Variants in GLMN observed in about 807,000 individuals in gnomAD.
The protein encoded by GLMN is glomulin.
In GLMN, 75 loss-of-function variants were observed where a neutral mutation model predicts 87.8. That is an observed-to-expected ratio of 0.85 (90% CI 0.71 to 1.04). GLMN has a LOEUF of 1.04. GLMN is among the 50% of genes least tolerant of loss of function. The pLI, the probability that GLMN is intolerant of heterozygous loss-of-function variation, is 0.00. For missense variants in GLMN, 588 were observed against 658.8 expected, an observed-to-expected ratio of 0.89 and a Z score of 1.18; for synonymous variants, 206 against 221.6, an observed-to-expected ratio of 0.93 and a Z score of 0.63.
the GLMN span, among the ~76,000 whole-genome samples, chr1:92,368,869 T>C: frequency 6.6e-6 from 1 of 152,246 alleles, no homozygotes; most frequent in African/African-American, 2.4e-5. Context: ...TTTTTGCTTT[T>C]GTTGTTACGC....
At chr1:92,305,313 G>A in the GLMN span, among the ~76,000 whole-genome samples, 2 of 150,824 alleles carry the variant, frequency 1.3e-5, no homozygotes, top group Non-Finnish European at 3.0e-5. Context: ...GGCGCCTGTA[G>A]TCCCAGCTAC....
intron 16 of GLMN, among the ~76,000 whole-genome samples, chr1:92,252,331 T>C (rs902354176): frequency 6.6e-6 from 1 of 152,166 alleles, no homozygotes; most frequent in Admixed American, 6.5e-5. Flanking sequence ...GAGGTTGTTA[T>C]TGCAATGTGC....
chr1:92,309,252 G>T, the GLMN span, among the ~76,000 whole-genome samples: 1 of 151,756 alleles, frequency 6.6e-6, no homozygotes, highest in Non-Finnish European at 1.5e-5. Context: ...GACCATCCTG[G>T]CCAACATGGT....
At chr1:92,251,837 C>T (rs1484939387) in intron 16 of GLMN, among the ~76,000 whole-genome samples, 1 of 151,154 alleles carries the variant, frequency 6.6e-6, no homozygotes, top group Non-Finnish European at 1.5e-5. Flanking sequence ...GCTCTGTTGC[C>T]CAGGCTGGAG....
the GLMN span, among the ~76,000 whole-genome samples, chr1:92,339,266 T>C: frequency 6.6e-6 from 1 of 152,104 alleles, no homozygotes; most frequent in South Asian, 2.1e-4. Context: ...GGAAGCTTAT[T>C]AGAATCACCT....
At chr1:92,319,475 T>G in the GLMN span, among the ~76,000 whole-genome samples, 1 of 152,094 alleles carries the variant, frequency 6.6e-6, no homozygotes, top group Non-Finnish European at 1.5e-5. Context: ...TCTACTAAAT[T>G]TTAAGGTCTG....
At chr1:92,247,627 T>C (rs940012725) in intron 17 of GLMN, among the ~76,000 whole-genome samples, 2 of 152,142 alleles carry the variant, frequency 1.3e-5, no homozygotes, top group East Asian at 3.8e-4. Flanking sequence ...CAAACGGAAA[T>C]AGCTGTAATA....
chr1:92,335,392 TA>T, the GLMN span, among the ~76,000 whole-genome samples: 4 of 152,062 alleles, frequency 2.6e-5, no homozygotes, highest in East Asian at 3.8e-4. Flanking sequence ...AAAAGAAGCT[TA>T]AAAAAATAAA....
the GLMN span, among the ~76,000 whole-genome samples, chr1:92,344,849 G>A: frequency 5.1e-4 from 77 of 151,924 alleles, no homozygotes; most frequent in East Asian, 0.013. Context: ...CAAATTTCAC[G>A]GTCCATTTCA....
intron 16 of GLMN, among the ~76,000 whole-genome samples, chr1:92,255,403 CA>C (rs979410584): frequency 5.8e-4 from 89 of 152,182 alleles, no homozygotes; most frequent in South Asian, 6.2e-4. Context: ...CTGGACCAAG[CA>C]GACCTAACAG....
At chr1:92,276,990 A>G (rs1460971824) in intron 7 of GLMN, among the ~76,000 whole-genome samples, 3 of 152,160 alleles carry the variant, frequency 2.0e-5, no homozygotes, top group Non-Finnish European at 2.9e-5. Context: ...TGTATTCTCT[A>G]TCTCAAGTAT....
chr1:92,315,993 G>A, the GLMN span, among the ~76,000 whole-genome samples: 26 of 152,324 alleles, frequency 1.7e-4, no homozygotes, highest in African/African-American at 6.3e-4. Context: ...CTCTGAGACA[G>A]TGTGCTCACA....
At position 92,266,768 on chromosome 1, in the gene GLMN, GATGTAAACAGAT is replaced by G. The variant is rs1445370846; in HGVS notation, c.1099-39_1099-28del. On this transcript the variant is annotated intron_variant, in intron 11 of 18. Coordinates refer to ENST00000370360, the MANE Select transcript of GLMN (RefSeq NM_053274.3). ...TGGAAATAAAAAAATGTAAAATTCA[GATGTAAACAGAT>G]TATACTGACTGCAAACAAACAACTA... 3 of 1,484,506 alleles carry G rather than the reference GATGTAAACAGAT, an allele frequency of 2.0e-6. No homozygotes were observed. The African/African-American group carries it at 4.1e-5, about 20-fold the overall frequency. The allele number at this position is 1,484,506 out of a possible 1,614,324, so 92.0% of individuals were successfully genotyped here. A position where few individuals can be genotyped will look rare whatever the true frequency, so the allele number is the denominator to read the frequency against.
chr1:92,347,331 A>G, the GLMN span, among the ~76,000 whole-genome samples: 10 of 150,434 alleles, frequency 6.6e-5, no homozygotes, highest in Admixed American at 6.6e-4. Context: ...CAAAGAAAAT[A>G]TCAGTATCTC....
At position 92,248,091 on chromosome 1, in the gene GLMN, CCTTG is replaced by C. The variant is rs555913359; in HGVS notation, c.1474-106_1474-103del. ...AAAACAAAAATAAATGAAACATGGCCCTTGCTTTTCACAATGGACTTCACTATTT... is the reference window on the plus strand; with the variant it reads ...AAAACAAAAATAAATGAAACATGGCCCTTTTCACAATGGACTTCACTATTT... On this transcript the variant is annotated intron_variant, in intron 16 of 18. Coordinates refer to ENST00000370360, the MANE Select transcript of GLMN (RefSeq NM_053274.3). 2.8e-4 allele frequency: 195 copies of C among 694,642 alleles called. 2 individuals carry two copies. Among genetic ancestry groups the C allele is most frequent in the African/African-American group, 2.6e-3 (147 of 56,540 alleles). The allele number at this position is 694,642 out of a possible 1,614,324, so 43.0% of individuals were successfully genotyped here.
chr1:92,363,013 G>A, the GLMN span, among the ~76,000 whole-genome samples: 1 of 152,132 alleles, frequency 6.6e-6, no homozygotes, highest in Non-Finnish European at 1.5e-5. Context: ...TATACATTGA[G>A]ATAGAAGGTT....
At chr1:92,288,829 A>C in intron 6 of GLMN, 85 bp downstream of exon 6, 1 of 782,928 alleles carries the variant, frequency 1.3e-6, no homozygotes, top group East Asian at 2.5e-5. Context: ...TTCTATTTAC[A>C]TGTCAAACAA....
At chr1:92,259,352 C>T (rs1654697007) in intron 16 of GLMN, among the ~76,000 whole-genome samples, 3 of 151,852 alleles carry the variant, frequency 2.0e-5, no homozygotes, top group Admixed American at 2.0e-4. Context: ...CTATAATATT[C>T]AAGAAAAGTT....
chr1:92,262,961 G>A, intron 15 of GLMN, 35 bp from the exon 16 acceptor site: 1 of 832,674 alleles, frequency 1.2e-6, no homozygotes, highest in Non-Finnish European at 2.1e-6. Flanking sequence ...TTACAGTATG[G>A]TTTTATATAG....
Sources: allele counts gnomAD v4.1 joint callset (sites outside exome capture counted in the v4.1 genomes callset), GRCh38; gene constraint gnomAD v4.1.1; transcripts MANE v1.5; gene names NCBI Gene and HGNC (gene_info 2026-07-23, HGNC 2026-07-21).